The following CDC42BPB variants were observed in gnomAD, a reference collection of about 807,000 sequenced individuals.
CDC42BPB encodes the protein serine/threonine-protein kinase MRCK beta.
In CDC42BPB, 37 loss-of-function variants were observed where a neutral mutation model predicts 214.9. The observed-to-expected ratio is 0.17, with a 90% CI of 0.13 to 0.23. CDC42BPB has a LOEUF of 0.23. Among genes scored for constraint, CDC42BPB ranks in the 10% least tolerant of loss-of-function variants. CDC42BPB has a pLI of 1.00. For missense variants in CDC42BPB, 1,694 were observed against 2,227.0 expected (o/e 0.76, Z 4.82); for synonymous variants, 931 against 884.0 (o/e 1.05, Z -0.94).
At chr14:102,971,840 G>C (rs138744725) in intron 13 of CDC42BPB, 79 bp downstream of exon 13, 10 of 1,467,930 alleles carry the variant, frequency 6.8e-6, no homozygotes, top group Middle Eastern at 1.8e-4. Context: ...CAGTAATGCA[G>C]CCCAAGATTT....
In CDC42BPB at chr14:103,022,178, G is replaced by C. The variant is rs574901429; in HGVS notation, c.176-9990C>G. Among the ~76,000 whole-genome samples the C allele has an allele frequency of 2.0e-5, 3 of 152,260 alleles. No individual in the cohort carries two copies. In the South Asian group the frequency reaches 6.2e-4, roughly 32 times the overall value. ...GAGAAGCCAGCAGGGTGCAGAGAAA[G>C]CCAGGACTTCCATCCTGGAAGGTGG... On this transcript the variant is annotated intron_variant, in intron 1 of 36. Transcript: ENST00000361246.
At chr14:103,007,591 C>T (rs963580109) in intron 3 of CDC42BPB, among the ~76,000 whole-genome samples, 1 of 152,330 alleles carries the variant, frequency 6.6e-6, no homozygotes, top group Middle Eastern at 3.4e-3. Flanking sequence ...CAGAAGCAAG[C>T]GCTGACCGCA....
intron 7 of CDC42BPB, among the ~76,000 whole-genome samples, chr14:102,982,803 C>T (rs186656255): frequency 3.2e-4 from 49 of 151,806 alleles, no homozygotes; most frequent in Admixed American, 6.6e-4. Flanking sequence ...CGCTTGAACT[C>T]GGGAGGCAGA....
chr14:103,007,106 G>A (rs1466554779), intron 3 of CDC42BPB, among the ~76,000 whole-genome samples: 1 of 152,216 alleles, frequency 6.6e-6, no homozygotes, highest in Non-Finnish European at 1.5e-5. Context: ...AAAGAAGGAA[G>A]GGAGACCGTG....
In CDC42BPB at chr14:102,973,920, G is replaced by C. The variant is rs1047666480; in HGVS notation, c.1641+96C>G. ...TGCAGCAGGGACAGCCCATGGGCAG[G>C]AGTCCCAAGAGGTCTTCCATCATCG... On this transcript the variant is annotated intron_variant, in intron 12 of 36. Transcript: ENST00000361246. 1.8e-5 allele frequency: 26 copies of C among 1,418,116 alleles called. No homozygotes were observed. The Admixed American group carries it at 2.2e-4, about 12-fold the overall frequency. 87.8% of individuals were successfully genotyped at this position (1,418,116 alleles called of 1,614,324 possible). A position where few individuals can be genotyped will look rare whatever the true frequency, so the allele number is the denominator to read the frequency against.
chr14:102,939,547 G>A (rs1295586372), intron 34 of CDC42BPB, 63 bp downstream of exon 34: 4 of 1,198,030 alleles, frequency 3.3e-6, no homozygotes, highest in Non-Finnish European at 5.0e-6. Context: ...AGCCAGCATG[G>A]CTGCCTGAGC....
rs1005056769 is a variant in CDC42BPB at position 103,057,413 on chromosome 14, G to A, written c.-240C>T. 4.3e-5 allele frequency: 33 copies of A among 762,246 alleles called. No homozygotes were observed. Among genetic ancestry groups the A allele is most frequent in the South Asian group, 1.1e-4 (2 of 17,812 alleles). The allele number at this position is 762,246 out of a possible 1,614,324, so 47.2% of individuals were successfully genotyped here. On this transcript the variant is annotated 5_prime_UTR_variant, in exon 1 of 37. Coordinates refer to ENST00000361246, the MANE Select transcript of CDC42BPB (RefSeq NM_006035.4). ...GGGCCGCTCTCCTCCCCTCGGCGCC[G>A]CCGCCCTCCCAGCTCGGGCGGCCCG...
chr14:103,011,983 A>G, intron 2 of CDC42BPB, 114 bp downstream of exon 2: 2 of 726,964 alleles, frequency 2.8e-6, no homozygotes, highest in South Asian at 1.5e-5. Flanking sequence ...AACTCTCCAA[A>G]TAATACTAAT....
At chr14:103,052,525 G>A (rs1386272476) in intron 1 of CDC42BPB, among the ~76,000 whole-genome samples, 2 of 152,072 alleles carry the variant, frequency 1.3e-5, no homozygotes, top group Admixed American at 6.6e-5. Flanking sequence ...TCACACCTTG[G>A]GCTGGCCATT....
chr14:102,985,937 G>A (rs1894226495), intron 6 of CDC42BPB, among the ~76,000 whole-genome samples: 2 of 152,228 alleles, frequency 1.3e-5, no homozygotes, highest in African/African-American at 4.8e-5. Context: ...GCCTGAGCCT[G>A]GGTCTCCTGG....
chr14:103,000,383 G>A (rs987717177), intron 4 of CDC42BPB, among the ~76,000 whole-genome samples: 1 of 152,246 alleles, frequency 6.6e-6, no homozygotes, highest in Non-Finnish European at 1.5e-5. Context: ...TCTGCCTGAG[G>A]ACAGCCTGTC....
intron 28 of CDC42BPB, among the ~76,000 whole-genome samples, 159 bp downstream of exon 28, chr14:102,946,309 C>T (rs1271629973): frequency 2.0e-5 from 3 of 152,158 alleles, no homozygotes; most frequent in Admixed American, 6.5e-5. Context: ...AGGCGTGAGC[C>T]ACCGCACCCG....
chr14:102,983,187 T>C (rs1287387605), intron 7 of CDC42BPB, among the ~76,000 whole-genome samples: 1 of 152,112 alleles, frequency 6.6e-6, no homozygotes, highest in African/African-American at 2.4e-5. Context: ...ACCTCCCCAC[T>C]GGCTACCCCC....
Position 102,968,515 on chromosome 14 carries a change from T to C in CDC42BPB, c.2197A>G (p.Ile733Val), listed in dbSNP as rs1485218238. 1 of 1,614,242 alleles carries C rather than the reference T, an allele frequency of 6.2e-7. No homozygotes were observed. The highest frequency in any genetic ancestry group is 1.7e-5 in the Admixed American group (1 of 60,036). Residue 733 changes from isoleucine to valine, a missense_variant, in exon 15 of 37, where the codon ATC (isoleucine) becomes GTC (valine). By Grantham distance (29) the Ile-to-Val change is conservative. Around this residue, in one of 7 missense-constraint regions of CDC42BPB, gnomAD observed 462 missense variants for 513.5 expected, o/e 0.90. Coordinates refer to ENST00000361246, the MANE Select transcript of CDC42BPB (RefSeq NM_006035.4). ...TCTAACTTATCTTTTAACATCAAGA[T>C]TTCTTTCTGCAGGGCCAGCTGGTGG... ...ESHQLALQKE[I>V]LMLKDKLEKS...
chr14:103,040,346 C>T (rs997370604), intron 1 of CDC42BPB, among the ~76,000 whole-genome samples: 1 of 151,876 alleles, frequency 6.6e-6, no homozygotes, highest in Non-Finnish European at 1.5e-5. Context: ...CAGAGCAAGA[C>T]TCCGTCTCAA....
intron 1 of CDC42BPB, among the ~76,000 whole-genome samples, chr14:103,017,151 A>G (rs892596700): frequency 1.3e-5 from 2 of 152,294 alleles, no homozygotes; most frequent in East Asian, 1.9e-4. Context: ...ACAAGACTCT[A>G]TCTCTACAAA....
At chr14:103,021,327 G>A (rs189989712) in intron 1 of CDC42BPB, among the ~76,000 whole-genome samples, 4 of 152,078 alleles carry the variant, frequency 2.6e-5, no homozygotes, top group African/African-American at 7.2e-5. Flanking sequence ...TTAGCCAGGC[G>A]TGGTGGCGGG....
chr14:102,998,751 T>C (rs1894852578), intron 5 of CDC42BPB, among the ~76,000 whole-genome samples: 1 of 152,062 alleles, frequency 6.6e-6, no homozygotes, highest in African/African-American at 2.4e-5. Flanking sequence ...CCTTTGTGAG[T>C]GTCCTGGGGC....
At chr14:102,941,280 G>A (rs772363239) in intron 30 of CDC42BPB, 5 of 985,318 alleles carry the variant, frequency 5.1e-6, no homozygotes, top group African/African-American at 1.7e-5. Flanking sequence ...TTCTGCCTCC[G>A]GAGTTCAAGG....
Sources: allele counts gnomAD v4.1 joint callset (sites outside exome capture counted in the v4.1 genomes callset), GRCh38; gene constraint gnomAD v4.1.1; regional missense constraint gnomAD v4.1.1; transcripts MANE v1.5; gene names NCBI Gene and HGNC (gene_info 2026-07-23, HGNC 2026-07-21).